The following ZC3H12B variants were observed in gnomAD, a reference collection of about 807,000 sequenced individuals.
ZC3H12B encodes the protein zinc finger CCCH-type containing 12B, also known as probable ribonuclease ZC3H12B.
ZC3H12B carries 7 observed loss-of-function variants against 43.9 expected under a neutral mutation model. That is an observed-to-expected ratio of 0.16 (90% CI 0.09 to 0.30). ZC3H12B has a LOEUF of 0.30. Among genes scored for constraint, ZC3H12B ranks in the 10% least tolerant of loss-of-function variants. ZC3H12B has a pLI of 1.00. For synonymous variants in ZC3H12B, 222 were observed against 241.7 expected, an observed-to-expected ratio of 0.92 and a Z score of 0.76; for missense variants, 475 against 670.2, an observed-to-expected ratio of 0.71 and a Z score of 3.22.
the ZC3H12B span, among the ~76,000 whole-genome samples, chrX:65,211,080 A>G: frequency 7.2e-3 from 603 of 83,600 alleles, 2 homozygotes; most frequent in Non-Finnish European, 9.5e-3. Context: ...TAAAAAAAAA[A>G]AAAGAAAGAA....
the ZC3H12B span, among the ~76,000 whole-genome samples, chrX:65,048,150 T>A: frequency 9.0e-6 from 1 of 111,528 alleles, no homozygotes; most frequent in Non-Finnish European, 1.9e-5. Context: ...AATGTAGTAT[T>A]TGTCCTTCTG....
chrX:65,253,120 A>G, the ZC3H12B span, among the ~76,000 whole-genome samples: 1 of 112,196 alleles, frequency 8.9e-6, no homozygotes, highest in African/African-American at 3.2e-5. Flanking sequence ...TGCAGCCAGG[A>G]GGAACATCTG....
chrX:65,148,113 A>T, the ZC3H12B span, among the ~76,000 whole-genome samples: 1 of 111,050 alleles, frequency 9.0e-6, no homozygotes, highest in African/African-American at 3.3e-5. Flanking sequence ...GGCCACAGGG[A>T]CTGGCCTGGC....
chrX:65,216,497 A>G, the ZC3H12B span, among the ~76,000 whole-genome samples: 5 of 111,558 alleles, frequency 4.5e-5, no homozygotes, highest in East Asian at 1.4e-3. Flanking sequence ...CTGGCTGACT[A>G]AAGTGTCCTG....
At chrX:65,211,442 A>G in the ZC3H12B span, among the ~76,000 whole-genome samples, 1 of 107,829 alleles carries the variant, frequency 9.3e-6, no homozygotes, top group African/African-American at 3.3e-5. Flanking sequence ...TGTTCTAGGC[A>G]CCATGCTAAA....
the ZC3H12B span, among the ~76,000 whole-genome samples, chrX:65,051,291 C>T: frequency 1.4e-4 from 16 of 111,057 alleles, no homozygotes; most frequent in South Asian, 7.5e-4. Flanking sequence ...TTCAAAAAAG[C>T]GCTTTTAATT....
At chrX:65,202,770 G>A in the ZC3H12B span, among the ~76,000 whole-genome samples, 1 of 110,643 alleles carries the variant, frequency 9.0e-6, no homozygotes, top group South Asian at 3.8e-4. Context: ...TTCATGCAAG[G>A]CCCTAGGACT....
chrX:65,103,653 G>A, the ZC3H12B span, among the ~76,000 whole-genome samples: 5 of 111,708 alleles, frequency 4.5e-5, no homozygotes, highest in Non-Finnish European at 7.5e-5. Flanking sequence ...AATTATAAAA[G>A]TGGGGAACTG....
intron 3 of ZC3H12B, among the ~76,000 whole-genome samples, chrX:65,428,790 T>G (rs141259536): frequency 2.9e-4 from 33 of 112,560 alleles, no homozygotes; most frequent in African/African-American, 1.1e-3. Flanking sequence ...AGTTCTGAGC[T>G]CTTCCTGGAG....
At chrX:65,363,482 C>A (rs1006496111), upstream of ZC3H12B, among the ~76,000 whole-genome samples, 3 of 111,804 alleles carry the variant, frequency 2.7e-5, no homozygotes, top group East Asian at 2.8e-4. Context: ...GCCATCCTAA[C>A]AAAACCATTA....
chrX:65,090,146 C>T, the ZC3H12B span, among the ~76,000 whole-genome samples: 1 of 112,249 alleles, frequency 8.9e-6, no homozygotes, highest in African/African-American at 3.2e-5. Context: ...ATATGCATGG[C>T]AGTACCGTAG....
the ZC3H12B span, among the ~76,000 whole-genome samples, chrX:65,065,590 C>T: frequency 9.0e-6 from 1 of 111,503 alleles, no homozygotes; most frequent in African/African-American, 3.3e-5. Flanking sequence ...TCCTTTGTTT[C>T]AACCTTGGTG....
At chrX:65,483,356 A>G (rs1298088009) in intron 3 of ZC3H12B, among the ~76,000 whole-genome samples, 1 of 112,030 alleles carries the variant, frequency 8.9e-6, no homozygotes, top group East Asian at 2.8e-4. Context: ...TAATTCCTGC[A>G]TGTGATTTAT....
intron 3 of ZC3H12B, among the ~76,000 whole-genome samples, chrX:65,429,401 A>G (rs2067123244): frequency 8.9e-6 from 1 of 111,977 alleles, no homozygotes; most frequent in African/African-American, 3.2e-5. Context: ...TCCCCCATGC[A>G]CTCCATTCCA....
chrX:65,282,756 T>A, the ZC3H12B span, among the ~76,000 whole-genome samples: 1 of 111,380 alleles, frequency 9.0e-6, no homozygotes, highest in African/African-American at 3.3e-5. Context: ...ACCTACACCC[T>A]CCCAAGACTA....
chrX:65,170,656 C>G, the ZC3H12B span, among the ~76,000 whole-genome samples: 2 of 112,047 alleles, frequency 1.8e-5, no homozygotes, highest in Non-Finnish European at 3.8e-5. Flanking sequence ...TTCTCCCTGT[C>G]ACTTTCAGGT....
the ZC3H12B span, among the ~76,000 whole-genome samples, chrX:65,246,232 C>A: frequency 1.8e-5 from 2 of 109,810 alleles, no homozygotes; most frequent in African/African-American, 6.6e-5. Flanking sequence ...TATGGGAGAA[C>A]CAAAACCATT....
At chrX:65,094,909 G>A in the ZC3H12B span, among the ~76,000 whole-genome samples, 3 of 111,697 alleles carry the variant, frequency 2.7e-5, no homozygotes, top group Non-Finnish European at 5.6e-5. Flanking sequence ...TTTTACTTAT[G>A]GAATTGAACC....
chrX:65,296,482 T>C, the ZC3H12B span, among the ~76,000 whole-genome samples: 847 of 110,505 alleles, frequency 7.7e-3, 9 homozygotes, highest in African/African-American at 0.026. Context: ...ACACCATATG[T>C]TCCCAAAAAA....
Sources: allele counts gnomAD v4.1 joint callset (sites outside exome capture counted in the v4.1 genomes callset), GRCh38; gene constraint gnomAD v4.1.1; transcripts MANE v1.5; gene names NCBI Gene and HGNC (gene_info 2026-07-23, HGNC 2026-07-21).